GGCX: variants seen among roughly 807,000 people sequenced by gnomAD.
GGCX encodes gamma-glutamyl carboxylase.
A neutral mutation model predicts 88.5 loss-of-function variants in GGCX; 63 were observed. The observed-to-expected ratio is 0.71, with a 90% CI of 0.58 to 0.88. The LOEUF (loss-of-function observed/expected upper bound fraction) is 0.88, where lower values mean the gene tolerates loss of function less well. Ranked by LOEUF, GGCX falls within the 40% of genes least tolerant of loss-of-function variation. The probability of loss-of-function intolerance (pLI) is 0.00; values close to 1 mark genes in which losing one functional copy is unlikely to be tolerated. For synonymous variants in GGCX, 368 were observed against 365.8 expected (o/e 1.01, Z -0.07); for missense variants, 805 against 932.9 (o/e 0.86, Z 1.79).
chr2:85,558,971 G>C lies in GGCX; in HGVS notation c.319C>G (p.Leu107Val), dbSNP rs934577099. The part of the protein sequence containing the change: ...DVCRFPLLDA[L>V]RPLPLDWMYL... ...ATCCAGTCAAGTGGCAGTGGGCGTA[G>C]GGCATCCAGCAAGGGGAAGCGGCAC... The change falls in exon 3 of 15, where the codon CTA becomes GTA. Residue 107 changes from leucine to valine, a missense_variant. Physicochemically the swap from Leu to Val is conservative, Grantham distance 32 (BLOSUM62 1). Transcript: ENST00000233838. 3 of 1,613,760 alleles carry C rather than the reference G, an allele frequency of 1.9e-6. No homozygotes were observed. The highest frequency in any genetic ancestry group is 2.7e-5 in the African/African-American group (2 of 74,912).
At chr2:85,552,598 C>T (rs765168829) in intron 9 of GGCX, 31 bp from the exon 10 acceptor site, 4 of 1,602,920 alleles carry the variant, frequency 2.5e-6, no homozygotes, top group East Asian at 2.2e-5. Context: ...AGTCCCACCT[C>T]ATCATTATCA....
At position 85,551,618 on chromosome 2, in the gene GGCX, A is replaced by G. The variant is rs763349020; in HGVS notation, c.1610-8T>C. 48 of 1,613,020 alleles carry G rather than the reference A, an allele frequency of 3.0e-5. No individual in the cohort carries two copies. Among genetic ancestry groups the G allele is most frequent in the Non-Finnish European group, 3.8e-5 (45 of 1,180,024 alleles). ...AATTCTCCAAGTGCAGTCCTGCCAG[A>G]CCAACAGAGTTCATCATCCCACCCC... is the stretch of plus-strand genomic sequence containing the variant. On this transcript the variant is annotated splice_region_variant and splice_polypyrimidine_tract_variant and intron_variant, in intron 11 of 14. Transcript: ENST00000233838.
In GGCX at chr2:85,560,925, C is replaced by G; in HGVS notation, c.104G>C (p.Gly35Ala). ...TGTCCACTCAAAACCCAAGAGTTTC[C>G]CTATTCGGCTGTCCTGCCTGGGCCC... Reference protein sequence around the residue: ...ISGPRQDSRIGKLLGFEWTDL... With the variant: ...ISGPRQDSRIAKLLGFEWTDL... Residue 35 changes from glycine (G) to alanine (A), a missense_variant, in exon 2 of 15, where the codon GGG becomes GCG. Physicochemically the swap from Gly to Ala is moderately conservative, Grantham distance 60 (BLOSUM62 0). Around this residue, in one of 3 missense-constraint regions of GGCX, gnomAD observed 64 missense variants for 57.4 expected, o/e 1.12. Coordinates refer to ENST00000233838, the MANE Select transcript of GGCX (RefSeq NM_000821.7). 6.2e-7 allele frequency: 1 copy of G among 1,614,012 alleles called. No homozygotes were observed. Among genetic ancestry groups the G allele is most frequent in the Non-Finnish European group, 8.5e-7 (1 of 1,179,870 alleles).
chr2:85,552,070 G>A (rs539889078), intron 10 of GGCX, 89 bp from the exon 11 acceptor site: 7 of 1,001,544 alleles, frequency 7.0e-6, no homozygotes, highest in Middle Eastern at 2.9e-4. Context: ...CATTCCTAAG[G>A]ACAGGGAATA....
intron 5 of GGCX, 46 bp downstream of exon 5, chr2:85,556,136 C>T (rs765471652): frequency 1.4e-5 from 16 of 1,147,794 alleles, no homozygotes; most frequent in Middle Eastern, 1.9e-4. Flanking sequence ...CCATGCTGAC[C>T]ACATGGCTGT....
In GGCX at chr2:85,561,468, C is replaced by T. The variant is rs1430836040; in HGVS notation, c.-40G>A. The T allele has an allele frequency of 2.0e-6, 3 of 1,493,676 alleles. No homozygotes were observed. The East Asian group carries it at 7.1e-5, about 35-fold the overall frequency. 92.5% of individuals were successfully genotyped at this position (1,493,676 alleles called of 1,614,324 possible). A position where few individuals can be genotyped will look rare whatever the true frequency, so the allele number is the denominator to read the frequency against. ...GGCAGGTGGGTCACAGCTGCCGCGT[C>T]TGAACGGAGGCCGCCAGGAGAATTT... is the stretch of plus-strand genomic sequence containing the variant. On this transcript the variant is annotated 5_prime_UTR_variant, in exon 1 of 15. Coordinates refer to ENST00000233838, the MANE Select transcript of GGCX (RefSeq NM_000821.7).
At chr2:85,556,377 G>A in intron 4 of GGCX, 117 bp from the exon 5 acceptor site, 1 of 725,312 alleles carries the variant, frequency 1.4e-6, no homozygotes, top group Non-Finnish European at 2.5e-6. Context: ...TATCCTCCCT[G>A]GTTATTCTGA....
At chr2:85,559,719 A>AAAAG (rs61544460) in intron 2 of GGCX, among the ~76,000 whole-genome samples, 35 of 151,172 alleles carry the variant, frequency 2.3e-4, no homozygotes, top group Admixed American at 1.4e-3. Context: ...CCGTCTCAAA[A>AAAAG]AAAGAAAGAA....
chr2:85,548,461 G>GT lies in GGCX; in HGVS notation c.*1472_*1473insA, dbSNP rs892231950. 2 of 152,216 alleles carry GT rather than the reference G, an allele frequency of 1.3e-5. No homozygotes were observed. The highest frequency in any genetic ancestry group is 6.5e-5 in the Admixed American group (1 of 15,282). 9.4% of individuals were successfully genotyped at this position (152,216 alleles called of 1,614,324 possible). ...ACCTATACGTCTAGGGCACAGGAAAGAAACCTAGCATCGTTGGAAATCCTG... is the reference window on the plus strand; with the variant it reads ...ACCTATACGTCTAGGGCACAGGAAAGTAAACCTAGCATCGTTGGAAATCCTG... On this transcript the variant is annotated 3_prime_UTR_variant, in exon 15 of 15. Transcript: ENST00000233838.
chr2:85,554,397 T>C (rs1048959234), intron 6 of GGCX, 91 bp from the exon 7 acceptor site: 1 of 1,146,188 alleles, frequency 8.7e-7, no homozygotes, highest in Non-Finnish European at 1.3e-6. Flanking sequence ...GCTACTCCAG[T>C]GGCTGGGTAG....
intron 11 of GGCX, 85 bp downstream of exon 11, chr2:85,551,727 C>T (rs894304281): frequency 1.8e-5 from 28 of 1,559,406 alleles, no homozygotes; most frequent in Non-Finnish European, 2.4e-5. Flanking sequence ...AAAACATTCC[C>T]TCTCCCCTCC....
At chr2:85,560,329 G>A (rs1692376468) in intron 2 of GGCX, among the ~76,000 whole-genome samples, 1 of 152,160 alleles carries the variant, frequency 6.6e-6, no homozygotes, top group South Asian at 2.1e-4. Flanking sequence ...GCTCACACCT[G>A]TAATCCCAGC....
intron 3 of GGCX, 44 bp downstream of exon 3, chr2:85,558,871 CTG>C: frequency 6.4e-7 from 1 of 1,559,372 alleles, no homozygotes; most frequent in Non-Finnish European, 8.8e-7. Context: ...GCTTCTATTT[CTG>C]TGTTTCTGGC....
rs750482991 is a variant in GGCX at position 85,560,931 on chromosome 2, C to A, written c.98G>T (p.Arg33Leu). 5.0e-6 allele frequency: 8 copies of A among 1,613,800 alleles called. No homozygotes were observed. The highest frequency in any genetic ancestry group is 6.8e-6 in the Non-Finnish European group (8 of 1,179,772). ...CTCAAAACCCAAGAGTTTCCCTATT[C>A]GGCTGTCCTGCCTGGGCCCTGAGAT... is the stretch of plus-strand genomic sequence containing the variant. ...ELISGPRQDS[R>L]IGKLLGFEWT... The change falls in exon 2 of 15, where the codon CGA (arginine) becomes CTA (leucine). Residue 33 changes from arginine to leucine, a missense_variant. This residue lies in a region of GGCX where 64 missense variants were observed against 57.4 expected (regional missense o/e 1.12). Transcript: ENST00000233838.
chr2:85,551,043 A>G lies in GGCX; in HGVS notation c.1770T>C (p.Tyr590=). The change falls in exon 13 of 15, where the codon TAT becomes TAC. Residue 590 remains tyrosine, a synonymous_variant. Coordinates refer to ENST00000233838, the MANE Select transcript of GGCX (RefSeq NM_000821.7). ...QLPAGEYHKV[Y]TTSPSPSCYM... The stretch of plus-strand genomic sequence containing the variant: ...AGCAAGAAGGGCTAGGTGATGTCGT[A>G]TACACCTTATGGTACTCACCAGCAG... 4 of 1,613,800 alleles carry G rather than the reference A, an allele frequency of 2.5e-6. No individual in the cohort carries two copies. Among genetic ancestry groups the G allele is most frequent in the Non-Finnish European group, 3.4e-6 (4 of 1,179,654 alleles).
At chr2:85,554,070 C>G (rs944020389) in intron 7 of GGCX, 73 bp downstream of exon 7, 27 of 1,240,628 alleles carry the variant, frequency 2.2e-5, no homozygotes, top group Non-Finnish European at 3.2e-5. Flanking sequence ...CTCCCACTCC[C>G]AAACAATGCC....
intron 5 of GGCX, 148 bp from the exon 6 acceptor site, chr2:85,555,738 A>C: frequency 1.6e-6 from 1 of 636,466 alleles, no homozygotes; most frequent in Non-Finnish European, 2.8e-6. Context: ...TCCTTGACCC[A>C]AATAATCTAC....
rs1001617841 is a variant in GGCX at position 85,549,190 on chromosome 2, G to C, written c.*744C>G. The C allele has an allele frequency of 6.6e-6, 1 of 152,372 alleles. No individual in the cohort carries two copies. The highest frequency in any genetic ancestry group is 2.4e-5 in the African/African-American group (1 of 41,568). The allele number at this position is 152,372 out of a possible 1,614,324, so 9.4% of individuals were successfully genotyped here. Reference sequence around the variant, plus strand: ...GGACCTTAAGTCAAATAGACGTTAAGTTCAAACCATCAGTCCATTCGTCAC... The same window carrying C: ...GGACCTTAAGTCAAATAGACGTTAACTTCAAACCATCAGTCCATTCGTCAC... On this transcript the variant is annotated 3_prime_UTR_variant, in exon 15 of 15. Coordinates refer to ENST00000233838, the MANE Select transcript of GGCX (RefSeq NM_000821.7).
At chr2:85,554,992 G>GA (rs1358934739) in intron 6 of GGCX, 1 of 166,836 alleles carries the variant, frequency 6.0e-6, no homozygotes, top group African/African-American at 2.4e-5. Flanking sequence ...CAGGGAAGAA[G>GA]AAAGAGAATA....
Sources: allele counts gnomAD v4.1 joint callset (sites outside exome capture counted in the v4.1 genomes callset), GRCh38; gene constraint gnomAD v4.1.1; regional missense constraint gnomAD v4.1.1; transcripts MANE v1.5; gene names NCBI Gene and HGNC (gene_info 2026-07-23, HGNC 2026-07-21).